XRN1: variants seen among roughly 807,000 people sequenced by gnomAD.
XRN1 encodes strand-exchange protein 1 homolog.
In XRN1, 67 loss-of-function variants were observed where a neutral mutation model predicts 222.3. The observed-to-expected ratio is 0.30, with a 90% confidence interval of 0.25 to 0.37. The LOEUF (loss-of-function observed/expected upper bound fraction) is 0.37. Ranked by LOEUF, XRN1 falls within the 10% of genes least tolerant of loss-of-function variation. The probability of loss-of-function intolerance (pLI) is 1.00; values close to 1 mark genes in which losing one functional copy is unlikely to be tolerated. For missense variants in XRN1, 1,707 were observed against 2,000.2 expected, an observed-to-expected ratio of 0.85 and a Z score of 2.80; for synonymous variants, 643 against 652.4, an observed-to-expected ratio of 0.99 and a Z score of 0.22.
chr3:142,314,904 CAAAAAAAA>C (rs776430519), intron 39 of XRN1, among the ~76,000 whole-genome samples: 15 of 22,302 alleles, frequency 6.7e-4, no homozygotes, highest in East Asian at 3.1e-3. Context: ...GACTCTGTCT[CAAAAAAAA>C]AAAAAAAAAA....
intron 36 of XRN1, 130 bp downstream of exon 36, chr3:142,332,245 C>T: frequency 1.3e-6 from 1 of 787,232 alleles, no homozygotes. Context: ...CACAGCAAGA[C>T]ACCATCTCTA....
chr3:142,412,769 G>A, intron 14 of XRN1, 106 bp from the exon 15 acceptor site: 1 of 1,012,272 alleles, frequency 9.9e-7, no homozygotes, highest in East Asian at 2.9e-5. Flanking sequence ...AAATTTCTAA[G>A]CAAAGCAAAC....
chr3:142,367,688 G>A (rs552672040), intron 27 of XRN1, among the ~76,000 whole-genome samples: 29 of 152,048 alleles, frequency 1.9e-4, no homozygotes, highest in African/African-American at 6.8e-4. Context: ...CAGGACCACA[G>A]GCGTGTGCCA....
intron 2 of XRN1, 107 bp downstream of exon 2, chr3:142,432,554 C>G (rs913733659): frequency 2.4e-5 from 26 of 1,069,408 alleles, no homozygotes; most frequent in Non-Finnish European, 3.4e-5. Flanking sequence ...GGGGAGTTTA[C>G]GCAGAAAATA....
At chr3:142,354,641 T>G (rs2066410670) in intron 32 of XRN1, among the ~76,000 whole-genome samples, 1 of 152,136 alleles carries the variant, frequency 6.6e-6, no homozygotes, top group Non-Finnish European at 1.5e-5. Context: ...CACTGCAACC[T>G]CTGGCCTCCC....
At chr3:142,428,538 G>A (rs534757628) in intron 2 of XRN1, among the ~76,000 whole-genome samples, 1 of 152,234 alleles carries the variant, frequency 6.6e-6, no homozygotes, top group South Asian at 2.1e-4. Flanking sequence ...AAGTAATCTA[G>A]ATTAAGATAA....
chr3:142,338,579 A>G (rs533956814), intron 33 of XRN1, among the ~76,000 whole-genome samples: 1 of 152,246 alleles, frequency 6.6e-6, no homozygotes, highest in South Asian at 2.1e-4. Flanking sequence ...AGCAGAGGGA[A>G]AAGTAAAGGA....
intron 1 of XRN1, among the ~76,000 whole-genome samples, chr3:142,444,582 C>T (rs543165540): frequency 5.3e-5 from 8 of 151,790 alleles, no homozygotes; most frequent in Non-Finnish European, 1.2e-4. Flanking sequence ...GTACTCCAGC[C>T]GGGGTGACAG....
intron 25 of XRN1, among the ~76,000 whole-genome samples, chr3:142,373,937 G>A (rs534567524): frequency 3.4e-4 from 51 of 152,218 alleles, no homozygotes; most frequent in Admixed American, 1.4e-3. Context: ...AGCTGAGATC[G>A]TGCCACTGCA....
intron 8 of XRN1, among the ~76,000 whole-genome samples, chr3:142,422,344 A>T (rs1213799825): frequency 6.6e-6 from 1 of 151,514 alleles, no homozygotes; most frequent in African/African-American, 2.4e-5. Context: ...ATAAATAATA[A>T]AAAAAAGGCA....
chr3:142,431,742 G>A (rs1384589414), intron 2 of XRN1, among the ~76,000 whole-genome samples: 4 of 139,964 alleles, frequency 2.9e-5, no homozygotes, highest in African/African-American at 1.1e-4. Context: ...ACTTGTGCCT[G>A]GGAGGCGGAG....
chr3:142,431,539 G>A (rs1403225663), intron 2 of XRN1, among the ~76,000 whole-genome samples: 1 of 150,924 alleles, frequency 6.6e-6, no homozygotes, highest in African/African-American at 2.4e-5. Context: ...AAAATTGGCT[G>A]GGCACGGTGG....
At chr3:142,423,048 A>G (rs2069104520) in intron 6 of XRN1, 126 bp from the exon 7 acceptor site, 1 of 704,626 alleles carries the variant, frequency 1.4e-6, no homozygotes, top group Non-Finnish European at 2.4e-6. Context: ...AAGGCATACA[A>G]TTTATATGAA....
chr3:142,328,703 TTATATATATATATA>T (rs67278209), intron 37 of XRN1, among the ~76,000 whole-genome samples: 41 of 47,164 alleles, frequency 8.7e-4, no homozygotes, highest in Non-Finnish European at 1.3e-3. Flanking sequence ...ACTTGTAATA[TTATATATATATATA>T]TATATATATA....
At chr3:142,424,189 G>A (rs2069154193) in intron 5 of XRN1, among the ~76,000 whole-genome samples, 1 of 152,114 alleles carries the variant, frequency 6.6e-6, no homozygotes, top group Non-Finnish European at 1.5e-5. Flanking sequence ...CACCTCCCAG[G>A]TTCAAGCAAT....
At position 142,311,697 on chromosome 3, in the gene XRN1, A is replaced by G. The variant is rs1299374239; in HGVS notation, c.4899T>C (p.Ser1633=). 1 of 1,614,158 alleles carries G rather than the reference A, an allele frequency of 6.2e-7. No homozygotes were observed. The highest frequency in any genetic ancestry group is 1.1e-5 in the South Asian group (1 of 91,074). ...QPDSSNIVKV[S]PRESSSASLK... is the part of the protein sequence containing the mutation. ...AAGAAGCTGATGAGCTCTCCCGTGG[A>G]CTTACTTTGACAATGTTGGAAGAAT... Residue 1633 remains serine, a synonymous_variant, in exon 41 of 41, where the codon AGT becomes AGC. Transcript: ENST00000392981.
intron 1 of XRN1, among the ~76,000 whole-genome samples, chr3:142,446,047 T>C (rs1228814464): frequency 6.6e-6 from 1 of 152,214 alleles, no homozygotes; most frequent in Non-Finnish European, 1.5e-5. Context: ...ATGTTTTGAG[T>C]TTCATGGGGA....
intron 22 of XRN1, among the ~76,000 whole-genome samples, chr3:142,381,149 C>G (rs771965307): frequency 6.6e-6 from 1 of 151,838 alleles, no homozygotes; most frequent in African/African-American, 2.4e-5. Context: ...CCAGATTCAC[C>G]TGTTGTTAGC....
rs115903481 is a variant in XRN1 at position 142,356,570 on chromosome 3, A to G, written c.3672+342T>C. On this transcript the variant is annotated intron_variant, in intron 31 of 40. Coordinates refer to ENST00000392981, the MANE Select transcript of XRN1 (RefSeq NM_001282857.2). ...TCCTTGCCCTTTATCTTTCAAATTT[A>G]TGTTATTTATAGCAGATAGCATAGG... Among the ~76,000 whole-genome samples, 667 of 152,284 alleles carry G rather than the reference A, an allele frequency of 4.4e-3. 7 individuals are homozygous for G. Among genetic ancestry groups the G allele is most frequent in the African/African-American group, 0.015 (632 of 41,576 alleles).
Sources: gnomAD v4.1 joint callset for allele counts (sites outside exome capture counted in the v4.1 genomes callset) on GRCh38, gnomAD v4.1.1 for gene constraint, MANE v1.5 for transcripts, NCBI Gene and HGNC (gene_info 2026-07-23, HGNC 2026-07-21) for gene names.